CTNNA2: variants seen among roughly 807,000 people sequenced by gnomAD.
CTNNA2 encodes catenin alpha 2, also known as catenin alpha-2.
Under a neutral mutation model 101.0 loss-of-function variants are expected in CTNNA2, and 42 were observed. The observed-to-expected ratio is 0.42, with a 90% CI of 0.32 to 0.54. The LOEUF is 0.54. CTNNA2 is among the 20% of genes least tolerant of loss of function. CTNNA2 has a pLI of 0.14. For synonymous variants in CTNNA2, 450 were observed against 456.4 expected (o/e 0.99, Z 0.18); for missense variants, 871 against 1,223.1 (o/e 0.71, Z 4.29).
At chr2:79,418,239 C>T (rs898612724) in intron 4 of CTNNA2, among the ~76,000 whole-genome samples, 1 of 152,056 alleles carries the variant, frequency 6.6e-6, no homozygotes, top group Non-Finnish European at 1.5e-5. Flanking sequence ...GGGGAAGTTG[C>T]GTGTCTTGTG....
chr2:79,814,363 C>A (rs531348008), intron 3 of CTNNA2, among the ~76,000 whole-genome samples: 6 of 151,984 alleles, frequency 3.9e-5, no homozygotes, highest in Non-Finnish European at 7.4e-5. Flanking sequence ...TACACTGCAC[C>A]GTATTTGTAG....
chr2:79,615,916 C>G (rs1159598232), intron 1 of CTNNA2, among the ~76,000 whole-genome samples: 2 of 152,086 alleles, frequency 1.3e-5, no homozygotes, highest in East Asian at 1.9e-4. Context: ...TCTGTGGCGC[C>G]CAAACTAAGT....
chr2:79,215,592 G>T (rs1048310726), intron 2 of CTNNA2, among the ~76,000 whole-genome samples: 6 of 152,140 alleles, frequency 3.9e-5, no homozygotes, highest in Non-Finnish European at 7.3e-5. Context: ...TAGGGTCTAG[G>T]GCTGTAAAGT....
At chr2:79,902,939 T>C (rs573247441) in intron 6 of CTNNA2, among the ~76,000 whole-genome samples, 70 of 152,320 alleles carry the variant, frequency 4.6e-4, no homozygotes, top group African/African-American at 1.6e-3. Context: ...AATGTTTTCT[T>C]GAAGGGCCAA....
rs1002712798 is a variant in CTNNA2, at chr2:80,223,659, C to A, written c.1057-169552C>A. On this transcript the variant is annotated intron_variant, in intron 7 of 18. Coordinates refer to ENST00000402739, the MANE Select transcript of CTNNA2 (RefSeq NM_001282597.3). ...AGAGTTCTGTGTTCTTGTCACAGGA[C>A]ACTCTTTAATCTGTCTGTTGGAAGG... Among the ~76,000 whole-genome samples, 19 of 152,212 alleles carry A rather than the reference C, an allele frequency of 1.2e-4. 1 individual carries two copies. Among genetic ancestry groups the A allele is most frequent in the Admixed American group, 6.5e-4 (10 of 15,274 alleles).
chr2:79,919,298 A>G (rs1280070947), intron 7 of CTNNA2, among the ~76,000 whole-genome samples: 1 of 152,218 alleles, frequency 6.6e-6, no homozygotes, highest in East Asian at 1.9e-4. Context: ...TGGTAACAGA[A>G]TGGAAAAAGA....
intron 3 of CTNNA2, among the ~76,000 whole-genome samples, chr2:79,339,120 T>C (rs1051580146): frequency 1.4e-5 from 2 of 138,520 alleles, no homozygotes; most frequent in African/African-American, 5.6e-5. Context: ...TGAGTTTCTG[T>C]AGGGAGAGAG....
chr2:79,287,332 TGCTTTTTA>T (rs1675631557), intron 2 of CTNNA2, among the ~76,000 whole-genome samples: 1 of 152,138 alleles, frequency 6.6e-6, no homozygotes, highest in African/African-American at 2.4e-5. Flanking sequence ...AGAGTCGCTC[TGCTTTTTA>T]GAGTTTCCAG....
At chr2:79,772,172 T>G (rs905397309) in intron 3 of CTNNA2, among the ~76,000 whole-genome samples, 1 of 152,126 alleles carries the variant, frequency 6.6e-6, no homozygotes, top group East Asian at 1.9e-4. Flanking sequence ...ATTTATTAAC[T>G]GCCTACAACA....
At chr2:79,836,810 C>T (rs1237948095) in intron 3 of CTNNA2, among the ~76,000 whole-genome samples, 2 of 152,092 alleles carry the variant, frequency 1.3e-5, no homozygotes, top group Admixed American at 1.3e-4. Flanking sequence ...CACTCTGTCA[C>T]TCAGGCTGGA....
intron 4 of CTNNA2, among the ~76,000 whole-genome samples, chr2:79,459,689 T>C (rs1480234665): frequency 2.6e-5 from 4 of 152,182 alleles, no homozygotes; most frequent in Non-Finnish European, 5.9e-5. Context: ...CATAAGCCCT[T>C]GAACACAATC....
chr2:80,556,423 G>T (rs1281769562), intron 12 of CTNNA2, among the ~76,000 whole-genome samples: 1 of 152,170 alleles, frequency 6.6e-6, no homozygotes, highest in Admixed American at 6.5e-5. Flanking sequence ...AAAGAAAGGT[G>T]GTGGCTGCTG....
intron 15 of CTNNA2, among the ~76,000 whole-genome samples, chr2:80,589,904 G>GCA (rs1553400673): frequency 2.4e-5 from 2 of 82,554 alleles, no homozygotes; most frequent in African/African-American, 7.2e-5. Flanking sequence ...GTGTGTGTGT[G>GCA]TGCGCGCGCG....
chr2:79,248,848 C>T (rs1425590379), intron 2 of CTNNA2, among the ~76,000 whole-genome samples: 2 of 152,208 alleles, frequency 1.3e-5, no homozygotes, highest in Admixed American at 6.5e-5. Flanking sequence ...AGACACTTAA[C>T]CCCAGGCTTT....
intron 1 of CTNNA2, among the ~76,000 whole-genome samples, chr2:79,543,132 T>G (rs1673521495): frequency 6.6e-6 from 1 of 152,126 alleles, no homozygotes; most frequent in Non-Finnish European, 1.5e-5. Context: ...GATGTAAAAT[T>G]GACTTTCAAG....
At chr2:80,110,047 T>G (rs1056704816) in intron 7 of CTNNA2, among the ~76,000 whole-genome samples, 1 of 152,144 alleles carries the variant, frequency 6.6e-6, no homozygotes, top group African/African-American at 2.4e-5. Flanking sequence ...CACTGAAAAT[T>G]TGTATAGTTA....
rs780510791 is a variant in CTNNA2 at position 79,909,720 on chromosome 2, C to T, written c.979C>T (p.Arg327Trp). Reference sequence around the variant, plus strand: ...CGACTCCTCCTGCACGCGAGACGACCGGCGCGAGAGGATCGTGGCGGAGTG... The same window carrying T: ...CGACTCCTCCTGCACGCGAGACGACTGGCGCGAGAGGATCGTGGCGGAGTG... ...MADSSCTRDD[R>W]RERIVAECNA... is the part of the protein sequence containing the mutation. Residue 327 changes from arginine (R) to tryptophan (W), a missense_variant, in exon 7 of 19, where the codon CGG (arginine) becomes TGG (tryptophan). This residue lies in a region of CTNNA2 where 647 missense variants were observed against 831.5 expected (regional missense o/e 0.78). Transcript: ENST00000402739. 2 of 1,613,916 alleles carry T rather than the reference C, an allele frequency of 1.2e-6. No individual in the cohort carries two copies. Among genetic ancestry groups the T allele is most frequent in the Admixed American group, 1.7e-5 (1 of 60,004 alleles).
At position 79,443,903 on chromosome 2, in the gene CTNNA2, A is replaced by ACTCTCTCTCTCTCTCTCTCTCT. The variant is rs3979544; in HGVS notation, c.-134-61134_-134-61113dup. Among the ~76,000 whole-genome samples the ACTCTCTCTCTCTCTCTCTCTCT allele has an allele frequency of 1.0e-3, 145 of 141,886 alleles. 4 individuals carry two copies. In the East Asian group the frequency reaches 0.021, roughly 21 times the overall value. The allele number at this position is 141,886 out of a possible 152,430, so 93.1% of individuals were successfully genotyped here. ...AAGCTTTTATCTTATTTGTATACAT[A>ACTCTCTCTCTCTCTCTCTCTCT]CTCTCTCTCTCTCTCTCTCTCTCTC... On this transcript the variant is annotated intron_variant, in intron 4 of 21. Transcript: ENST00000466387.
chr2:79,426,801 A>T (rs1678596595), intron 4 of CTNNA2, among the ~76,000 whole-genome samples: 1 of 152,136 alleles, frequency 6.6e-6, no homozygotes, highest in Non-Finnish European at 1.5e-5. Context: ...TCAGGTCAAT[A>T]AAATTTTATA....
Sources: allele counts gnomAD v4.1 joint callset (sites outside exome capture counted in the v4.1 genomes callset), GRCh38; gene constraint gnomAD v4.1.1; regional missense constraint gnomAD v4.1.1; transcripts MANE v1.5; gene names NCBI Gene and HGNC (gene_info 2026-07-23, HGNC 2026-07-21).